Variants in SLC5A1 observed in about 807,000 individuals in gnomAD.
SLC5A1 encodes the protein solute carrier family 5 member 1.
A neutral mutation model predicts 73.5 loss-of-function variants in SLC5A1; 42 were observed. The observed-to-expected ratio is 0.57, with a 90% confidence interval of 0.45 to 0.74. SLC5A1 has a LOEUF of 0.74. Ranked by LOEUF, SLC5A1 falls within the 30% of genes least tolerant of loss-of-function variation. SLC5A1 has a pLI of 0.00. For synonymous variants in SLC5A1, 300 were observed against 317.4 expected, an observed-to-expected ratio of 0.95 and a Z score of 0.58; for missense variants, 634 against 855.4, an observed-to-expected ratio of 0.74 and a Z score of 3.23.
chr22:32,054,971 G>C (rs142016523), intron 2 of SLC5A1, among the ~76,000 whole-genome samples: 2 of 152,066 alleles, frequency 1.3e-5, no homozygotes, highest in Non-Finnish European at 2.9e-5. Context: ...CACTGCACCC[G>C]GCCAAGATGG....
At chr22:32,102,322 G>A in intron 13 of SLC5A1, 85 bp downstream of exon 13, 1 of 963,292 alleles carries the variant, frequency 1.0e-6, no homozygotes, top group East Asian at 2.4e-5. Flanking sequence ...TCATTATTAT[G>A]GGTACATAAT....
In SLC5A1 at chr22:32,111,994, G is replaced by A. The variant is rs1288561259; in HGVS notation, c.*1781G>A. 1 of 152,112 alleles carries A rather than the reference G, an allele frequency of 6.6e-6. No individual in the cohort carries two copies. The highest frequency in any genetic ancestry group is 1.9e-4 in the East Asian group (1 of 5,192). The allele number at this position is 152,112 out of a possible 1,614,324, so 9.4% of individuals were successfully genotyped here. A position where few individuals can be genotyped will look rare whatever the true frequency, so the allele number is the denominator to read the frequency against. ...GACTCCTATCAGTTTTTGGTCAGGA[G>A]AAGATATCCACCTAGACCAACCTGA... On this transcript the variant is annotated 3_prime_UTR_variant, in exon 15 of 15. Coordinates refer to ENST00000266088, the MANE Select transcript of SLC5A1 (RefSeq NM_000343.4).
At position 32,068,541 on chromosome 22, in the gene SLC5A1, C is replaced by T. The variant is rs748242943; in HGVS notation, c.418C>T (p.Arg140Trp). The T allele has an allele frequency of 1.2e-6, 2 of 1,613,762 alleles. No homozygotes were observed. The highest frequency in any genetic ancestry group is 1.7e-6 in the Non-Finnish European group (2 of 1,179,910). Reference protein sequence around the residue: ...EYLRKRFGGQRIQVYLSLLSL... With the variant: ...EYLRKRFGGQWIQVYLSLLSL... ...CCTGAGGAAGCGGTTTGGAGGCCAGCGGATCCAGGTCTACCTTTCCCTTCT... is the reference window on the plus strand; with the variant it reads ...CCTGAGGAAGCGGTTTGGAGGCCAGTGGATCCAGGTCTACCTTTCCCTTCT... Residue 140 changes from arginine (R) to tryptophan (W), a missense_variant, in exon 5 of 15, where the codon CGG becomes TGG. Arg to Trp is a moderately radical substitution (Grantham distance 101). This residue lies in a region of SLC5A1 where 422 missense variants were observed against 626.1 expected (regional missense o/e 0.67). Transcript: ENST00000266088.
rs749336207 is a variant in SLC5A1 at position 32,086,197 on chromosome 22, C to T, written c.1022-23C>T. ...TATTTCCCCAATGTCTGCTTGCTGA[C>T]GTGGCTCTCCATCTCTTCCCAGAAA... On this transcript the variant is annotated intron_variant, in intron 9 of 14. Transcript: ENST00000266088. 3.0e-5 allele frequency: 42 copies of T among 1,394,952 alleles called. No individual in the cohort carries two copies. The East Asian group carries it at 7.1e-4, about 23-fold the overall frequency. The allele number at this position is 1,394,952 out of a possible 1,614,324, so 86.4% of individuals were successfully genotyped here.
chr22:32,101,726 AC>A (rs2094036634), intron 12 of SLC5A1, among the ~76,000 whole-genome samples: 1 of 152,202 alleles, frequency 6.6e-6, no homozygotes, highest in African/African-American at 2.4e-5. Context: ...CTGTAGGTTG[AC>A]ATTCTATTCC....
chr22:32,089,245 T>C (rs1205502450), intron 10 of SLC5A1, among the ~76,000 whole-genome samples: 4 of 152,230 alleles, frequency 2.6e-5, no homozygotes, highest in African/African-American at 4.8e-5. Context: ...ATATCTCTGA[T>C]AGTTTGTGAT....
chr22:32,103,061 G>A (rs796313831), intron 13 of SLC5A1, among the ~76,000 whole-genome samples: 2 of 152,276 alleles, frequency 1.3e-5, no homozygotes, highest in South Asian at 2.1e-4. Context: ...TTGATATACT[G>A]GTTTACTTTC....
chr22:32,099,475 C>T, intron 12 of SLC5A1, 124 bp downstream of exon 12: 1 of 1,010,674 alleles, frequency 9.9e-7, no homozygotes, highest in Non-Finnish European at 1.5e-6. Flanking sequence ...GGATGTGCTG[C>T]TGAGGGTTTG....
At chr22:32,107,121 A>G (rs1603147141) in intron 14 of SLC5A1, among the ~76,000 whole-genome samples, 2 of 152,158 alleles carry the variant, frequency 1.3e-5, no homozygotes, top group Admixed American at 1.3e-4. Flanking sequence ...GAGAGCCTGG[A>G]GCCACAGCAG....
rs1373267626 is a variant in SLC5A1 at position 32,112,002 on chromosome 22, C to T, written c.*1789C>T. The T allele has an allele frequency of 6.6e-6, 1 of 152,076 alleles. No homozygotes were observed. Among genetic ancestry groups the T allele is most frequent in the African/African-American group, 2.4e-5 (1 of 41,384 alleles). 9.4% of individuals were successfully genotyped at this position (152,076 alleles called of 1,614,324 possible). A position where few individuals can be genotyped will look rare whatever the true frequency, so the allele number is the denominator to read the frequency against. ...TCAGTTTTTGGTCAGGAGAAGATAT[C>T]CACCTAGACCAACCTGAGGAGAAGG... On this transcript the variant is annotated 3_prime_UTR_variant, in exon 15 of 15. Transcript: ENST00000266088.
rs561968011 is a variant in SLC5A1 at position 32,065,823 on chromosome 22, G to T, written c.208-1112G>T. ...CAGCTGCCTTATACTGGGAATAGGGGCTGGTATAGTTAGAACAGTTTCTTG... is the reference window on the plus strand; with the variant it reads ...CAGCTGCCTTATACTGGGAATAGGGTCTGGTATAGTTAGAACAGTTTCTTG... On this transcript the variant is annotated intron_variant, in intron 2 of 14. Transcript: ENST00000266088. 3.5e-3 allele frequency among the ~76,000 whole-genome samples: 532 copies of T among 152,278 alleles called. 7 individuals are homozygous for T. Among genetic ancestry groups the T allele is most frequent in the African/African-American group, 0.012 (518 of 41,554 alleles).
At chr22:32,079,691 C>A (rs1303424801) in intron 5 of SLC5A1, among the ~76,000 whole-genome samples, 2 of 152,244 alleles carry the variant, frequency 1.3e-5, no homozygotes, top group African/African-American at 2.4e-5. Flanking sequence ...CCAAATCAAA[C>A]GTGTGTGCAT....
intron 5 of SLC5A1, among the ~76,000 whole-genome samples, chr22:32,079,186 GA>G (rs1217064329): frequency 6.6e-6 from 1 of 152,120 alleles, no homozygotes; most frequent in African/African-American, 2.4e-5. Flanking sequence ...AGCTAGGAAG[GA>G]CCAAAGACTA....
intron 2 of SLC5A1, among the ~76,000 whole-genome samples, chr22:32,062,267 T>C (rs1273041518): frequency 6.6e-6 from 1 of 152,162 alleles, no homozygotes; most frequent in African/African-American, 2.4e-5. Flanking sequence ...ACAGACCCAT[T>C]CCACTCTGAA....
chr22:32,104,969 T>A, intron 14 of SLC5A1, 78 bp downstream of exon 14: 1 of 1,032,736 alleles, frequency 9.7e-7, no homozygotes, highest in Non-Finnish European at 1.5e-6. Context: ...AGTTCTTCCC[T>A]AAATAATTTT....
chr22:32,092,195 A>G (rs2094019056), intron 11 of SLC5A1, among the ~76,000 whole-genome samples: 1 of 152,136 alleles, frequency 6.6e-6, no homozygotes, highest in African/African-American at 2.4e-5. Flanking sequence ...AGAACATATG[A>G]TGTTTGGTTT....
intron 11 of SLC5A1, among the ~76,000 whole-genome samples, chr22:32,092,097 CT>C (rs1353423717): frequency 3.9e-5 from 6 of 152,238 alleles, no homozygotes; most frequent in East Asian, 3.9e-4. Context: ...CCTCGCCCCC[CT>C]CCCACCCGTT....
chr22:32,104,284 T>C (rs1042631895), intron 13 of SLC5A1, among the ~76,000 whole-genome samples: 2 of 152,244 alleles, frequency 1.3e-5, no homozygotes, highest in African/African-American at 4.8e-5. Context: ...ACCGAGTTCA[T>C]GCTCTAGATC....
intron 2 of SLC5A1, among the ~76,000 whole-genome samples, chr22:32,064,920 G>A (rs964525258): frequency 6.6e-6 from 1 of 152,108 alleles, no homozygotes; most frequent in Non-Finnish European, 1.5e-5. Context: ...AAATCCTCCA[G>A]TGTCATCCCA....
Sources: allele counts gnomAD v4.1 joint callset (sites outside exome capture counted in the v4.1 genomes callset), GRCh38; gene constraint gnomAD v4.1.1; regional missense constraint gnomAD v4.1.1; transcripts MANE v1.5; gene names NCBI Gene and HGNC (gene_info 2026-07-23, HGNC 2026-07-21).